Variants in CPNE4 observed in about 807,000 individuals in gnomAD.
CPNE4 encodes copine 4, also known as copine-4.
In CPNE4, 25 loss-of-function variants were observed where a neutral mutation model predicts 67.9. The ratio of observed to expected loss-of-function variants is 0.37; its 90% CI spans 0.27 to 0.51. The LOEUF (loss-of-function observed/expected upper bound fraction) is 0.51. Ranked by LOEUF, CPNE4 falls within the 20% of genes least tolerant of loss-of-function variation. The pLI, the probability that CPNE4 is intolerant of heterozygous loss-of-function variation, is 0.93. For synonymous variants in CPNE4, 242 were observed against 244.9 expected, an observed-to-expected ratio of 0.99 and a Z score of 0.11; for missense variants, 464 against 690.8, an observed-to-expected ratio of 0.67 and a Z score of 3.68.
At chr3:131,815,941 C>T (rs1246771133) in intron 2 of CPNE4, among the ~76,000 whole-genome samples, 1 of 152,126 alleles carries the variant, frequency 6.6e-6, no homozygotes, top group Non-Finnish European at 1.5e-5. Context: ...TCCTTATATA[C>T]TCAGGAGTTG....
chr3:131,608,799 C>A (rs58938786), intron 7 of CPNE4, among the ~76,000 whole-genome samples: 20,067 of 152,078 alleles, frequency 0.13, 1,867 homozygotes, highest in African/African-American at 0.26. Flanking sequence ...AAAATCCCTA[C>A]CATAGCTTGT....
intron 7 of CPNE4, among the ~76,000 whole-genome samples, chr3:131,668,503 C>A (rs2080317812): frequency 6.6e-6 from 1 of 152,076 alleles, no homozygotes; most frequent in South Asian, 2.1e-4. Flanking sequence ...TTACCCAATT[C>A]TGATTTCAGG....
chr3:131,638,385 A>T (rs189253580), intron 7 of CPNE4, among the ~76,000 whole-genome samples: 95 of 151,942 alleles, frequency 6.3e-4, no homozygotes, highest in African/African-American at 1.9e-3. Flanking sequence ...GTGAGCAGGA[A>T]TAGCTAAACT....
intron 7 of CPNE4, among the ~76,000 whole-genome samples, chr3:131,650,772 A>AAAAAAAT (rs1560048206): frequency 1.0e-4 from 15 of 144,670 alleles, no homozygotes; most frequent in African/African-American, 3.8e-4. Flanking sequence ...AAAAAAAAAA[A>AAAAAAAT]ATTCTATTAT....
chr3:131,591,809 G>A (rs1938547311), intron 7 of CPNE4, among the ~76,000 whole-genome samples: 1 of 152,152 alleles, frequency 6.6e-6, no homozygotes, highest in Admixed American at 6.5e-5. Flanking sequence ...CAGCTCTGAT[G>A]CAGCTGACAG....
intron 7 of CPNE4, among the ~76,000 whole-genome samples, chr3:131,600,537 T>C (rs1329354191): frequency 6.6e-6 from 1 of 152,180 alleles, no homozygotes; most frequent in Admixed American, 6.5e-5. Flanking sequence ...ATTATAAATA[T>C]TGGGCATACC....
chr3:131,914,843 G>T (rs2089124057), intron 1 of CPNE4, among the ~76,000 whole-genome samples: 1 of 152,096 alleles, frequency 6.6e-6, no homozygotes, highest in African/African-American at 2.4e-5. Flanking sequence ...GGGTGTGGTG[G>T]TGCATGCCTG....
chr3:131,960,739 A>G (rs2072143635), intron 1 of CPNE4, among the ~76,000 whole-genome samples: 1 of 152,124 alleles, frequency 6.6e-6, no homozygotes, highest in African/African-American at 2.4e-5. Flanking sequence ...TTCTCAGTTA[A>G]TGCAGTTTCC....
chr3:131,681,275 T>C (rs1302906010), intron 6 of CPNE4, among the ~76,000 whole-genome samples: 2 of 152,220 alleles, frequency 1.3e-5, no homozygotes, highest in Non-Finnish European at 1.5e-5. Context: ...TGCTCATTAA[T>C]GTTGTGTTGT....
chr3:131,705,252 C>T (rs1373190659), intron 3 of CPNE4, among the ~76,000 whole-genome samples: 2 of 152,104 alleles, frequency 1.3e-5, no homozygotes, highest in African/African-American at 4.8e-5. Context: ...ACCACTCCCC[C>T]GTCCAACAGC....
At chr3:132,037,480 C>A (rs888206694), upstream of CPNE4, 5 of 1,024,902 alleles carry the variant, frequency 4.9e-6, no homozygotes, top group African/African-American at 3.2e-5. Flanking sequence ...CAATCACTGC[C>A]CCCACAGCAA....
chr3:131,963,736 C>T (rs1237984019), intron 1 of CPNE4, among the ~76,000 whole-genome samples: 1 of 152,216 alleles, frequency 6.6e-6, no homozygotes, highest in Non-Finnish European at 1.5e-5. Context: ...CAGCTCCAGT[C>T]ACGGGCTTAT....
chr3:131,806,776 T>C (rs2084331965), intron 2 of CPNE4, among the ~76,000 whole-genome samples: 1 of 152,156 alleles, frequency 6.6e-6, no homozygotes, highest in Non-Finnish European at 1.5e-5. Flanking sequence ...TCCATGTCCC[T>C]TGCCTCTGGA....
At chr3:131,927,717 C>T in intron 1 of CPNE4, among the ~76,000 whole-genome samples, 1 of 152,104 alleles carries the variant, frequency 6.6e-6, no homozygotes. Flanking sequence ...GACAGTTTAT[C>T]CTCTGTTCTT....
intron 2 of CPNE4, among the ~76,000 whole-genome samples, chr3:131,791,960 T>A (rs2083736347): frequency 6.6e-6 from 1 of 152,136 alleles, no homozygotes; most frequent in South Asian, 2.1e-4. Context: ...ATTTCAGATA[T>A]AGGGCTATAA....
intron 2 of CPNE4, among the ~76,000 whole-genome samples, chr3:131,797,269 G>A (rs940171828): frequency 6.6e-6 from 1 of 152,096 alleles, no homozygotes; most frequent in Non-Finnish European, 1.5e-5. Flanking sequence ...CTGAGTAAGG[G>A]GCCCTGAACT....
At chr3:131,903,889 T>C (rs774236839) in intron 2 of CPNE4, among the ~76,000 whole-genome samples, 15 of 152,112 alleles carry the variant, frequency 9.9e-5, no homozygotes, top group Non-Finnish European at 1.8e-4. Flanking sequence ...TCTCGCCAAG[T>C]GTAGCACAGT....
At chr3:131,602,529 T>C (rs59023029) in intron 7 of CPNE4, among the ~76,000 whole-genome samples, 1 of 152,074 alleles carries the variant, frequency 6.6e-6, no homozygotes, top group African/African-American at 2.4e-5. Flanking sequence ...AAGAAATATG[T>C]CACTCTTGGA....
chr3:131,581,653 A>T lies in CPNE4; in HGVS notation c.793T>A (p.Cys265Ser). The T allele has an allele frequency of 6.2e-7, 1 of 1,611,348 alleles. No individual in the cohort carries two copies. Among genetic ancestry groups the T allele is most frequent in the Non-Finnish European group, 8.5e-7 (1 of 1,177,752 alleles). The change falls in exon 9 of 16, where the codon TGC (cysteine) becomes AGC (serine). Residue 265 changes from cysteine to serine, a missense_variant. Physicochemically the swap from Cys to Ser is moderately radical, Grantham distance 112. Around this residue, in one of 6 missense-constraint regions of CPNE4, gnomAD observed 26 missense variants for 24.0 expected, o/e 1.08. Coordinates refer to ENST00000429747, the MANE Select transcript of CPNE4 (RefSeq NM_130808.3). ...AMEGKQVQWE[C>S]INPKYKAKKK... is the part of the protein sequence containing the mutation. ...TTGGCTTTGTACTTGGGATTGATGCACTCCCACTGCACCTGAAAGAAGGGT... is the reference window on the plus strand; with the variant it reads ...TTGGCTTTGTACTTGGGATTGATGCTCTCCCACTGCACCTGAAAGAAGGGT...
Sources: gnomAD v4.1 joint callset for allele counts (sites outside exome capture counted in the v4.1 genomes callset) on GRCh38, gnomAD v4.1.1 for gene constraint, gnomAD v4.1.1 regional missense constraint, MANE v1.5 for transcripts, NCBI Gene and HGNC (gene_info 2026-07-23, HGNC 2026-07-21) for gene names.